The following ANAPC10 variants were observed in gnomAD, a reference collection of about 807,000 sequenced individuals.
The protein encoded by ANAPC10 is anaphase promoting complex subunit 10, also known as anaphase-promoting complex subunit 10.
ANAPC10 carries 12 observed loss-of-function variants against 22.0 expected under a neutral mutation model. The ratio of observed to expected loss-of-function variants is 0.55; its 90% CI spans 0.35 to 0.88. The LOEUF (loss-of-function observed/expected upper bound fraction) is 0.88. Ranked by LOEUF, ANAPC10 falls within the 40% of genes least tolerant of loss-of-function variation. The pLI is 0.01. For synonymous variants in ANAPC10, 65 were observed against 69.5 expected (o/e 0.94, Z 0.32); for missense variants, 188 against 220.9 (o/e 0.85, Z 0.94).
At chr4:145,097,002 G>A (rs1293327815) in intron 1 of ANAPC10, among the ~76,000 whole-genome samples, 1 of 152,106 alleles carries the variant, frequency 6.6e-6, no homozygotes, top group Non-Finnish European at 1.5e-5. Flanking sequence ...CTTGAGCCCA[G>A]GAGTTCGAGA....
intron 4 of ANAPC10, among the ~76,000 whole-genome samples, chr4:144,999,709 G>A (rs1225055658): frequency 1.3e-5 from 2 of 152,078 alleles, no homozygotes; most frequent in Non-Finnish European, 2.9e-5. Flanking sequence ...CTACTTTAAA[G>A]TTCATATGAA....
chr4:145,088,686 C>T (rs771449743), intron 2 of ANAPC10, among the ~76,000 whole-genome samples: 40 of 152,174 alleles, frequency 2.6e-4, no homozygotes, highest in Non-Finnish European at 2.4e-4. Flanking sequence ...CATTGGTGTT[C>T]ACCATTATGC....
At position 145,022,740 on chromosome 4, in the gene ANAPC10, C is replaced by G. The variant is rs866857743; in HGVS notation, c.328-27137G>C. On this transcript the variant is annotated intron_variant, in intron 4 of 4. Transcript: ENST00000507656. ...ATTTTCATTTCTCTTGGATAAATAC[C>G]TAACACTGGAATTGTTGGGTCATAG... Among the ~76,000 whole-genome samples, 6 of 148,350 alleles carry G rather than the reference C, an allele frequency of 4.0e-5. 1 individual carries two copies. The highest frequency in any genetic ancestry group is 7.5e-5 in the African/African-American group (3 of 40,194).
chr4:145,017,073 T>G (rs571782902), intron 4 of ANAPC10, among the ~76,000 whole-genome samples: 1 of 152,220 alleles, frequency 6.6e-6, no homozygotes, highest in Non-Finnish European at 1.5e-5. Context: ...AAGGACTTCA[T>G]GTCTAAAACA....
chr4:145,015,766 G>A lies in ANAPC10; in HGVS notation c.328-20163C>T, dbSNP rs1002124398. ...TCAGCAGAAACTCTACAAGCTAGAAGAGATTAGGGCCCTATCTTCAGCTTC... is the reference window on the plus strand; with the variant it reads ...TCAGCAGAAACTCTACAAGCTAGAAAAGATTAGGGCCCTATCTTCAGCTTC... On this transcript the variant is annotated intron_variant, in intron 4 of 4. Transcript: ENST00000507656. 3.8e-4 allele frequency among the ~76,000 whole-genome samples: 58 copies of A among 152,276 alleles called. 1 individual carries two copies. Among genetic ancestry groups the A allele is most frequent in the African/African-American group, 1.3e-3 (52 of 41,526 alleles).
chr4:145,034,809 ACTGT>A (rs2127083715), intron 4 of ANAPC10, among the ~76,000 whole-genome samples: 1 of 151,744 alleles, frequency 6.6e-6, no homozygotes, highest in African/African-American at 2.4e-5. Context: ...ATCTGATGAA[ACTGT>A]CTGTCAGATG....
intron 1 of ANAPC10, chr4:145,097,647 A>C (rs185818965): frequency 7.7e-5 from 52 of 676,150 alleles, no homozygotes; most frequent in Non-Finnish European, 9.5e-5. Context: ...TGAATGAATA[A>C]ACAGATGAAT....
At chr4:145,095,935 G>T in intron 2 of ANAPC10, 50 bp downstream of exon 2, 1 of 1,613,150 alleles carries the variant, frequency 6.2e-7, no homozygotes, top group Non-Finnish European at 8.5e-7. Flanking sequence ...CCTGTACAAG[G>T]AAACTGCAAG....
chr4:145,085,027 G>A (rs1468999328), intron 2 of ANAPC10, among the ~76,000 whole-genome samples: 1 of 152,070 alleles, frequency 6.6e-6, no homozygotes, highest in Non-Finnish European at 1.5e-5. Context: ...TATTGCTAAA[G>A]CTAATCCAGA....
intron 2 of ANAPC10, among the ~76,000 whole-genome samples, chr4:145,091,179 A>G (rs1055949160): frequency 2.6e-5 from 4 of 152,240 alleles, no homozygotes; most frequent in African/African-American, 7.2e-5. Flanking sequence ...AGTAGCAGTA[A>G]CTATTGATCT....
At chr4:145,098,355 A>G (rs911806053), upstream of ANAPC10, 2 of 152,492 alleles carry the variant, frequency 1.3e-5, no homozygotes, top group African/African-American at 4.8e-5. Context: ...TGTGTGGCTG[A>G]AAAGTGAAGG....
At chr4:145,092,984 G>A (rs1008510257) in intron 2 of ANAPC10, among the ~76,000 whole-genome samples, 11 of 152,186 alleles carry the variant, frequency 7.2e-5, no homozygotes, top group African/African-American at 2.7e-4. Flanking sequence ...GTCATGAACA[G>A]CAGGGGCCAA....
chr4:145,022,029 C>A (rs759205758), intron 4 of ANAPC10, among the ~76,000 whole-genome samples: 4 of 151,972 alleles, frequency 2.6e-5, no homozygotes, highest in Non-Finnish European at 5.9e-5. Context: ...GCTGGGGATG[C>A]AGTGATCAGG....
At chr4:145,054,489 C>T (rs1446293538) in intron 4 of ANAPC10, among the ~76,000 whole-genome samples, 1 of 147,868 alleles carries the variant, frequency 6.8e-6, no homozygotes, top group Non-Finnish European at 1.5e-5. Context: ...ACCCAGGAGG[C>T]AGAGCTTGCA....
intron 4 of ANAPC10, among the ~76,000 whole-genome samples, chr4:145,011,269 G>A (rs142443815): frequency 0.02 from 2,995 of 151,454 alleles, 47 homozygotes; most frequent in Middle Eastern, 0.044. Flanking sequence ...CCCTGGAGGC[G>A]GAGGTTGCAG....
chr4:145,029,141 C>T (rs1737171548), intron 4 of ANAPC10, among the ~76,000 whole-genome samples: 3 of 152,092 alleles, frequency 2.0e-5, no homozygotes. Context: ...TCTGATGAAG[C>T]TGGGGACACT....
At chr4:145,029,398 T>C (rs1737213904) in intron 4 of ANAPC10, among the ~76,000 whole-genome samples, 1 of 152,088 alleles carries the variant, frequency 6.6e-6, no homozygotes, top group Non-Finnish European at 1.5e-5. Context: ...TAGACTAAAG[T>C]CCTGGCAGGA....
At chr4:145,098,054 G>A (rs1457322173) in intron 1 of ANAPC10, 66 bp downstream of exon 1, 1 of 155,260 alleles carries the variant, frequency 6.4e-6, no homozygotes, top group Non-Finnish European at 1.4e-5. Flanking sequence ...ATTGAAACCG[G>A]AGAGGCGAAT....
At chr4:145,037,890 T>G (rs528402362) in intron 4 of ANAPC10, among the ~76,000 whole-genome samples, 1 of 145,502 alleles carries the variant, frequency 6.9e-6, no homozygotes, top group Non-Finnish European at 1.5e-5. Context: ...TAGGCCCCAG[T>G]GAACCATGAT....
Sources: gnomAD v4.1 joint callset for allele counts (sites outside exome capture counted in the v4.1 genomes callset) on GRCh38, gnomAD v4.1.1 for gene constraint, MANE v1.5 for transcripts, NCBI Gene and HGNC (gene_info 2026-07-23, HGNC 2026-07-21) for gene names.